CAPSL: variants seen among roughly 807,000 people sequenced by gnomAD.
CAPSL encodes the protein calcyphosine like.
Under a neutral mutation model 21.3 loss-of-function variants are expected in CAPSL, and 17 were observed. The ratio of observed to expected loss-of-function variants is 0.80; its 90% CI spans 0.55 to 1.20. The LOEUF (loss-of-function observed/expected upper bound fraction) is 1.20, where lower values mean the gene tolerates loss of function less well. Ranked by LOEUF, CAPSL falls within the 50% of genes most tolerant of loss-of-function variation. The pLI is 0.00. For synonymous variants in CAPSL, 102 were observed against 89.3 expected, an observed-to-expected ratio of 1.14 and a Z score of -0.80; for missense variants, 289 against 259.3, an observed-to-expected ratio of 1.11 and a Z score of -0.79.
Position 35,919,170 on chromosome 5 carries a change from A to AAAAAAAATATATATATAT in CAPSL, c.137+1813_137+1814insATATATATATATTTTTTT, listed in dbSNP as rs754098152. On this transcript the variant is annotated intron_variant, in intron 2 of 4. Coordinates refer to ENST00000651391, the MANE Select transcript of CAPSL (RefSeq NM_001042625.2). ...AGTATCTTTCCTGATTAAAAAAAAAAATATATATATATATATATATAAAAA... is the reference window on the plus strand; with the variant it reads ...AGTATCTTTCCTGATTAAAAAAAAAAAAAAAAATATATATATATATATATATATATATATATATAAAAA... Among the ~76,000 whole-genome samples the AAAAAAAATATATATATAT allele has an allele frequency of 4.8e-4, 58 of 121,262 alleles. 1 individual carries two copies. The highest frequency in any genetic ancestry group is 4.6e-3 in the East Asian group (21 of 4,560). The allele number at this position is 121,262 out of a possible 152,430, so 79.6% of individuals were successfully genotyped here.
chr5:35,907,314 TA>T lies in CAPSL; in HGVS notation c.525+2551del, dbSNP rs1466465640. Reference sequence around the variant, plus strand: ...CTCAGTAATATACCTAACATATTTTTAATTATTTAAAAATTTTTTATGAGAT... The same window carrying T: ...CTCAGTAATATACCTAACATATTTTTATTATTTAAAAATTTTTTATGAGAT... On this transcript the variant is annotated intron_variant, in intron 4 of 4. Transcript: ENST00000651391. 2.0e-5 allele frequency among the ~76,000 whole-genome samples: 3 copies of T among 152,204 alleles called. No individual in the cohort carries two copies. The East Asian group carries it at 5.8e-4, about 29-fold the overall frequency.
At chr5:35,928,578 G>T (rs768677429) in intron 1 of CAPSL, among the ~76,000 whole-genome samples, 3 of 152,142 alleles carry the variant, frequency 2.0e-5, no homozygotes, top group Non-Finnish European at 2.9e-5. Flanking sequence ...AACTCTTCAG[G>T]TGATAATTAT....
chr5:35,920,966 C>A lies in CAPSL; in HGVS notation c.137+18G>T. ...TTCCTTCCCGCTCCATTCCCTGCCA[C>A]TTGTAGCTGGGTCCTACCTGCCAAG... On this transcript the variant is annotated intron_variant, in intron 2 of 4. Transcript: ENST00000651391. 2 of 1,612,448 alleles carry A rather than the reference C, an allele frequency of 1.2e-6. No homozygotes were observed. The highest frequency in any genetic ancestry group is 1.7e-6 in the Non-Finnish European group (2 of 1,179,322).
At chr5:35,917,374 C>T (rs1259842078) in intron 2 of CAPSL, among the ~76,000 whole-genome samples, 2 of 152,010 alleles carry the variant, frequency 1.3e-5, no homozygotes, top group Non-Finnish European at 2.9e-5. Flanking sequence ...GGTTATATAC[C>T]CAAAGGATTA....
At chr5:35,933,124 C>T (rs955249698) in intron 1 of CAPSL, among the ~76,000 whole-genome samples, 1 of 152,082 alleles carries the variant, frequency 6.6e-6, no homozygotes, top group Non-Finnish European at 1.5e-5. Flanking sequence ...ACTCTCTGGC[C>T]TTATATAGAA....
Position 35,904,352 on chromosome 5 carries a change from A to G in CAPSL, c.*193T>C. Reference sequence around the variant, plus strand: ...TAGAACAAAGGAAACAGTCTTAGGCAAGGCAAACTCACAGTTGGCTACTCA... The same window carrying G: ...TAGAACAAAGGAAACAGTCTTAGGCGAGGCAAACTCACAGTTGGCTACTCA... On this transcript the variant is annotated 3_prime_UTR_variant, in exon 5 of 5. Coordinates refer to ENST00000651391, the MANE Select transcript of CAPSL (RefSeq NM_001042625.2). 1 of 599,350 alleles carries G rather than the reference A, an allele frequency of 1.7e-6. No individual in the cohort carries two copies. 37.1% of individuals were successfully genotyped at this position (599,350 alleles called of 1,614,324 possible).
chr5:35,919,168 A>AT (rs1328263175), intron 2 of CAPSL, among the ~76,000 whole-genome samples: 1,873 of 112,980 alleles, frequency 0.017, 47 homozygotes, highest in South Asian at 0.058. Context: ...ATTAAAAAAA[A>AT]AAATATATAT....
intron 2 of CAPSL, among the ~76,000 whole-genome samples, chr5:35,914,020 C>T (rs1359994752): frequency 6.6e-6 from 1 of 152,024 alleles, no homozygotes; most frequent in African/African-American, 2.4e-5. Context: ...GAAGATCTAC[C>T]AAGCAAATGG....
intron 2 of CAPSL, among the ~76,000 whole-genome samples, chr5:35,911,857 G>A (rs540475580): frequency 2.0e-5 from 3 of 152,254 alleles, no homozygotes; most frequent in African/African-American, 7.2e-5. Flanking sequence ...CATCTTACTG[G>A]GGAGTGTCGG....
At chr5:35,909,088 T>G (rs1204913258) in intron 4 of CAPSL, among the ~76,000 whole-genome samples, 8 of 13,930 alleles carry the variant, frequency 5.7e-4, no homozygotes, top group East Asian at 6.4e-3. Flanking sequence ...GGCTCAGGGT[T>G]TTTTTTTTTT....
Position 35,930,124 on chromosome 5 carries a change from C to A in CAPSL, c.-1+8417G>T, listed in dbSNP as rs555360192. Among the ~76,000 whole-genome samples, 6 of 152,064 alleles carry A rather than the reference C, an allele frequency of 3.9e-5. No individual in the cohort carries two copies. The South Asian group carries it at 1.2e-3, about 32-fold the overall frequency. ...CTTCCACATACCACATAAAGTATGA[C>A]GGCATTTCATCTACACTTAAGTGAC... On this transcript the variant is annotated intron_variant, in intron 1 of 4. Coordinates refer to ENST00000651391, the MANE Select transcript of CAPSL (RefSeq NM_001042625.2).
intron 3 of CAPSL, 124 bp from the exon 4 acceptor site, chr5:35,910,199 A>T: frequency 1.8e-6 from 2 of 1,085,326 alleles, no homozygotes; most frequent in Non-Finnish European, 1.3e-6. Context: ...CTATTATGTA[A>T]TAGACACTAC....
chr5:35,925,252 C>A (rs1027258691), intron 1 of CAPSL, among the ~76,000 whole-genome samples: 2 of 152,204 alleles, frequency 1.3e-5, no homozygotes, highest in African/African-American at 4.8e-5. Flanking sequence ...GCAGGGGATG[C>A]AATCACAAGA....
intron 1 of CAPSL, among the ~76,000 whole-genome samples, chr5:35,922,975 C>A (rs1245101701): frequency 1.3e-5 from 2 of 152,160 alleles, no homozygotes; most frequent in Non-Finnish European, 2.9e-5. Flanking sequence ...GCCCCATCCC[C>A]ACCCCAACCC....
intron 2 of CAPSL, among the ~76,000 whole-genome samples, chr5:35,914,184 T>C (rs1285266474): frequency 6.6e-6 from 1 of 152,134 alleles, no homozygotes; most frequent in Non-Finnish European, 1.5e-5. Flanking sequence ...ATGCACCCAA[T>C]ACAAGAGCAC....
intron 2 of CAPSL, among the ~76,000 whole-genome samples, chr5:35,914,269 A>G (rs906132977): frequency 2.6e-5 from 4 of 152,210 alleles, no homozygotes; most frequent in Non-Finnish European, 5.9e-5. Context: ...GGGAGACTTT[A>G]CCACCCCACT....
At chr5:35,909,782 T>C in intron 4 of CAPSL, 84 bp downstream of exon 4, 1 of 1,118,290 alleles carries the variant, frequency 8.9e-7, no homozygotes, top group Non-Finnish European at 1.3e-6. Flanking sequence ...ATCAATGTGT[T>C]AACATTTTTA....
At chr5:35,910,807 A>T (rs533110783) in intron 2 of CAPSL, among the ~76,000 whole-genome samples, 1 of 152,338 alleles carries the variant, frequency 6.6e-6, no homozygotes, top group African/African-American at 2.4e-5. Flanking sequence ...GGTAAAGGAA[A>T]GAGTTGAATT....
At chr5:35,914,120 A>G (rs928345978) in intron 2 of CAPSL, among the ~76,000 whole-genome samples, 14 of 152,252 alleles carry the variant, frequency 9.2e-5, no homozygotes, top group Admixed American at 8.5e-4. Context: ...GAAGGCCATT[A>G]CATAATGGTA....
Sources: allele counts gnomAD v4.1 joint callset (sites outside exome capture counted in the v4.1 genomes callset), GRCh38; gene constraint gnomAD v4.1.1; transcripts MANE v1.5; gene names NCBI Gene and HGNC (gene_info 2026-07-23, HGNC 2026-07-21).